The following COP1 variants were observed in gnomAD, a reference collection of about 807,000 sequenced individuals.
COP1 encodes COP1 E3 ubiquitin ligase.
A neutral mutation model predicts 101.3 loss-of-function variants in COP1; 24 were observed. That is an observed-to-expected ratio of 0.24 (90% CI 0.17 to 0.33). The LOEUF is 0.33. COP1 is among the 10% of genes least tolerant of loss of function. The pLI, the probability that COP1 is intolerant of heterozygous loss-of-function variation, is 1.00. For missense variants in COP1, 663 were observed against 906.2 expected, an observed-to-expected ratio of 0.73 and a Z score of 3.45; for synonymous variants, 347 against 341.9, an observed-to-expected ratio of 1.01 and a Z score of -0.17.
At position 175,961,321 on chromosome 1, in the gene COP1, G is replaced by A. The variant is rs576629255; in HGVS notation, c.2134-14082C>T. ...ACGCTCCCAAATTGATTCACAGAGA[G>A]AATAACTTTCAATCATCACAGTCGT... On this transcript the variant is annotated intron_variant, in intron 18 of 19. Coordinates refer to ENST00000367669, the MANE Select transcript of COP1 (RefSeq NM_022457.7). 8.4e-4 allele frequency among the ~76,000 whole-genome samples: 128 copies of A among 152,316 alleles called. 1 individual carries two copies. Among genetic ancestry groups the A allele is most frequent in the Middle Eastern group, 3.4e-3 (1 of 294 alleles).
chr1:176,022,127 A>G lies in COP1; in HGVS notation c.1729+5445T>C, dbSNP rs562104704. ...GTTTTCATTCTAATTTATTCCTTTG[A>G]TAACTATATTGGGACTTGTAAAGTC... On this transcript the variant is annotated intron_variant, in intron 15 of 19. Coordinates refer to ENST00000367669, the MANE Select transcript of COP1 (RefSeq NM_022457.7). 1.1e-4 allele frequency among the ~76,000 whole-genome samples: 16 copies of G among 152,340 alleles called. No homozygotes were observed. The East Asian group carries it at 3.1e-3, about 29-fold the overall frequency.
chr1:176,000,628 A>T lies in COP1; in HGVS notation c.1730-11149T>A, dbSNP rs1237994058. On this transcript the variant is annotated intron_variant, in intron 15 of 19. Transcript: ENST00000367669. ...ATACACTGCATGACTCTACAATGTA[A>T]ATATTTTTAAAAAAATGAAATCCAA... Among the ~76,000 whole-genome samples the T allele has an allele frequency of 2.6e-5, 4 of 152,044 alleles. No individual in the cohort carries two copies. The East Asian group carries it at 7.7e-4, about 29-fold the overall frequency.
chr1:176,093,577 C>T (rs1287816286), intron 9 of COP1, among the ~76,000 whole-genome samples: 5 of 152,012 alleles, frequency 3.3e-5, no homozygotes, highest in Non-Finnish European at 5.9e-5. Context: ...CGGTGGCTCA[C>T]ACCTGTAATC....
intron 18 of COP1, among the ~76,000 whole-genome samples, chr1:175,981,452 T>G (rs1172733189): frequency 6.6e-6 from 1 of 152,112 alleles, no homozygotes; most frequent in African/African-American, 2.4e-5. Context: ...ATAAATGGTG[T>G]TGGGAAAACT....
chr1:176,083,160 T>A (rs1679498310), intron 10 of COP1, among the ~76,000 whole-genome samples: 1 of 152,238 alleles, frequency 6.6e-6, no homozygotes, highest in South Asian at 2.1e-4. Flanking sequence ...ATTCTTTTTA[T>A]ATGGAATCCT....
intron 18 of COP1, among the ~76,000 whole-genome samples, chr1:175,951,278 A>G (rs1649854591): frequency 6.7e-6 from 1 of 150,254 alleles, no homozygotes; most frequent in South Asian, 2.1e-4. Flanking sequence ...AAATATATAA[A>G]ATATAATAAA....
chr1:176,116,766 TA>T (rs1389022081), intron 8 of COP1, 85 bp from the exon 9 acceptor site: 1 of 911,010 alleles, frequency 1.1e-6, no homozygotes, highest in Admixed American at 2.3e-5. Flanking sequence ...ATATCATATA[TA>T]AGCCCAGTAT....
intron 18 of COP1, among the ~76,000 whole-genome samples, chr1:175,982,188 A>G (rs900385573): frequency 6.6e-6 from 1 of 152,178 alleles, no homozygotes; most frequent in African/African-American, 2.4e-5. Context: ...TCCCACTTCA[A>G]TTTCAAAAGA....
chr1:176,065,275 A>G (rs138528922), intron 11 of COP1, among the ~76,000 whole-genome samples: 213 of 152,322 alleles, frequency 1.4e-3, no homozygotes, highest in African/African-American at 4.8e-3. Flanking sequence ...AACTCAGACA[A>G]AGGGGAAAAA....
At chr1:176,128,639 ATCTG>A (rs1476632454) in intron 8 of COP1, among the ~76,000 whole-genome samples, 1 of 152,002 alleles carries the variant, frequency 6.6e-6, no homozygotes, top group African/African-American at 2.4e-5. Flanking sequence ...ACTTCTTAAA[ATCTG>A]TCTGTAATCA....
At chr1:176,167,184 G>A (rs1439181476) in intron 3 of COP1, among the ~76,000 whole-genome samples, 7 of 152,086 alleles carry the variant, frequency 4.6e-5, no homozygotes, top group African/African-American at 1.7e-4. Context: ...CACACTTAGT[G>A]GGAAAACCCT....
chr1:176,001,426 G>A (rs567935424), intron 15 of COP1, among the ~76,000 whole-genome samples: 8 of 152,144 alleles, frequency 5.3e-5, no homozygotes, highest in African/African-American at 1.4e-4. Context: ...TTGTGTAAAT[G>A]GAAATACCAC....
chr1:176,000,546 T>C (rs1661355156), intron 15 of COP1, among the ~76,000 whole-genome samples: 1 of 152,072 alleles, frequency 6.6e-6, no homozygotes, highest in Non-Finnish European at 1.5e-5. Flanking sequence ...TTACCTCCAT[T>C]TTAATCTTAT....
intron 18 of COP1, among the ~76,000 whole-genome samples, chr1:175,951,883 T>C (rs201738854): frequency 2.4e-4 from 3 of 12,692 alleles, no homozygotes; most frequent in Non-Finnish European, 2.1e-3. Context: ...TATGAAAACG[T>C]TAAGACTAAA....
In COP1 at chr1:175,976,193, CTATT is replaced by C. The variant is rs377354843; in HGVS notation, c.2133+10746_2133+10749del. On this transcript the variant is annotated intron_variant, in intron 18 of 19. Transcript: ENST00000367669. Reference sequence around the variant, plus strand: ...AATTTGTTAATTGGGAAAGGTATAACTATTTTATTCTGTTCAGAATATAAAACTA... The same window carrying C: ...AATTTGTTAATTGGGAAAGGTATAACTTATTCTGTTCAGAATATAAAACTA... Among the ~76,000 whole-genome samples, 395 of 147,086 alleles carry C rather than the reference CTATT, an allele frequency of 2.7e-3. 3 individuals carry two copies. Among genetic ancestry groups the C allele is most frequent in the African/African-American group, 9.4e-3 (378 of 40,344 alleles).
intron 5 of COP1, among the ~76,000 whole-genome samples, chr1:176,157,012 A>G (rs1693553563): frequency 6.6e-6 from 1 of 152,142 alleles, no homozygotes; most frequent in Admixed American, 6.5e-5. Context: ...AGCCTGGTCA[A>G]CATGGTGAGA....
intron 1 of COP1, among the ~76,000 whole-genome samples, chr1:176,187,936 G>A (rs1295940547): frequency 6.6e-6 from 1 of 151,992 alleles, no homozygotes; most frequent in Non-Finnish European, 1.5e-5. Context: ...AGATTTTTAG[G>A]TCATGAGGGC....
chr1:176,005,159 T>C (rs1261811180), intron 15 of COP1, among the ~76,000 whole-genome samples: 1 of 152,200 alleles, frequency 6.6e-6, no homozygotes, highest in Non-Finnish European at 1.5e-5. Context: ...TGTAGTATTC[T>C]CTGATGGTAG....
chr1:176,141,978 T>C (rs1337583075), intron 6 of COP1, among the ~76,000 whole-genome samples: 1 of 151,920 alleles, frequency 6.6e-6, no homozygotes, highest in Non-Finnish European at 1.5e-5. Context: ...CAAATGATCC[T>C]CCTACCTTCG....
Sources: allele counts gnomAD v4.1 joint callset (sites outside exome capture counted in the v4.1 genomes callset), GRCh38; gene constraint gnomAD v4.1.1; transcripts MANE v1.5; gene names NCBI Gene and HGNC (gene_info 2026-07-23, HGNC 2026-07-21).